Variants in JADE3 observed in about 807,000 individuals in gnomAD.
The protein encoded by JADE3 is jade family PHD finger 3.
A neutral mutation model predicts 50.1 loss-of-function variants in JADE3; 2 were observed. The ratio of observed to expected loss-of-function variants is 0.04; its 90% CI spans 0.02 to 0.13. The LOEUF is 0.13. Ranked by LOEUF, JADE3 falls within the 10% of genes least tolerant of loss-of-function variation. The pLI, the probability that JADE3 is intolerant of heterozygous loss-of-function variation, is 1.00. For synonymous variants in JADE3, 218 were observed against 232.9 expected (o/e 0.94, Z 0.58); for missense variants, 475 against 634.4 (o/e 0.75, Z 2.70).
intron 5 of JADE3, among the ~76,000 whole-genome samples, chrX:47,026,603 T>C (rs1928914095): frequency 9.0e-6 from 1 of 111,713 alleles, no homozygotes; most frequent in South Asian, 3.8e-4. Flanking sequence ...CTCAAGCTTT[T>C]CTTTAGGGTG....
intron 8 of JADE3, among the ~76,000 whole-genome samples, chrX:47,052,098 A>G (rs782816974): frequency 2.7e-5 from 3 of 111,725 alleles, no homozygotes; most frequent in East Asian, 5.7e-4. Flanking sequence ...AGTCTCAATC[A>G]ATCAGTCAGT....
At chrX:47,030,324 G>A (rs781878805) in intron 6 of JADE3, among the ~76,000 whole-genome samples, 7 of 111,172 alleles carry the variant, frequency 6.3e-5, no homozygotes, top group Non-Finnish European at 1.1e-4. Flanking sequence ...AAACGATTCC[G>A]GTAATGAATA....
At chrX:47,051,944 A>T (rs1165222065) in intron 8 of JADE3, among the ~76,000 whole-genome samples, 1 of 111,437 alleles carries the variant, frequency 9.0e-6, no homozygotes, top group Non-Finnish European at 1.9e-5. Context: ...AAATACAAAA[A>T]TTAGCAGGAC....
At chrX:46,947,789 G>A (rs1305129447) in intron 1 of JADE3, among the ~76,000 whole-genome samples, 1 of 111,730 alleles carries the variant, frequency 9.0e-6, no homozygotes, top group African/African-American at 3.3e-5. Flanking sequence ...TTTGGTCCAT[G>A]TCCTGATAAT....
intron 10 of JADE3, among the ~76,000 whole-genome samples, chrX:47,057,272 G>A (rs980714599): frequency 6.3e-5 from 7 of 111,531 alleles, no homozygotes; most frequent in Admixed American, 1.9e-4. Context: ...TGCCCACTGG[G>A]ATACCTAAGA....
rs1292386936 is a variant in JADE3 at position 47,037,773 on chromosome X, G to A, written c.856-1176G>A. Reference sequence around the variant, plus strand: ...TCCCCTTCAAGCATTTATCCTTTTTGTGTTACAAACAATCCAGTTATGTTC... The same window carrying A: ...TCCCCTTCAAGCATTTATCCTTTTTATGTTACAAACAATCCAGTTATGTTC... On this transcript the variant is annotated intron_variant, in intron 7 of 10. Transcript: ENST00000614628. 2.7e-5 allele frequency among the ~76,000 whole-genome samples: 3 copies of A among 112,318 alleles called. No individual in the cohort carries two copies. In the East Asian group the frequency reaches 8.3e-4, roughly 31 times the overall value.
intron 1 of JADE3, among the ~76,000 whole-genome samples, chrX:46,928,735 C>T (rs1462339092): frequency 3.6e-5 from 4 of 111,160 alleles, no homozygotes; most frequent in Admixed American, 9.6e-5. Flanking sequence ...AGGTGCACAC[C>T]ACCATGCCTA....
chrX:46,968,646 C>T (rs1474472912), intron 1 of JADE3, among the ~76,000 whole-genome samples: 1 of 110,865 alleles, frequency 9.0e-6, no homozygotes, highest in Admixed American at 9.6e-5. Flanking sequence ...AGTGGCTATA[C>T]TAATATCAGA....
intron 1 of JADE3, among the ~76,000 whole-genome samples, chrX:46,921,879 G>T (rs1485933491): frequency 9.3e-6 from 1 of 107,401 alleles, no homozygotes; most frequent in Admixed American, 1.0e-4. Context: ...CTCCACCATT[G>T]CCTGGCTTAC....
intron 4 of JADE3, among the ~76,000 whole-genome samples, chrX:47,018,198 ACT>A (rs1414401027): frequency 9.3e-6 from 1 of 107,246 alleles, no homozygotes; most frequent in African/African-American, 3.4e-5. Context: ...ATCTCCCCTT[ACT>A]CTCCTCACCC....
intron 1 of JADE3, among the ~76,000 whole-genome samples, chrX:46,942,246 T>G (rs1556342440): frequency 8.9e-6 from 1 of 111,994 alleles, no homozygotes; most frequent in African/African-American, 3.2e-5. Context: ...TTTGGTTTTG[T>G]TGCAGTTGCT....
At position 47,058,441 on chromosome X, in the gene JADE3, T is replaced by C; in HGVS notation, c.1836T>C (p.Ser612=). 8.3e-7 allele frequency: 1 copy of C among 1,211,732 alleles called. No homozygotes were observed. The highest frequency in any genetic ancestry group is 1.1e-6 in the Non-Finnish European group (1 of 895,464). Residue 612 remains serine (S), a synonymous_variant, in exon 11 of 11, where the codon TCT becomes TCC. Transcript: ENST00000614628. ...GTTTGCTGGCCAGTCTCAGCCATTC[T>C]AGGAGTGAAGCAAAGGAGTCCAGTC... ...NNRLLASLSH[S]RSEAKESSPA...
chrX:46,964,482 C>T (rs1927328942), intron 1 of JADE3, among the ~76,000 whole-genome samples: 1 of 112,050 alleles, frequency 8.9e-6, no homozygotes, highest in Non-Finnish European at 1.9e-5. Context: ...GTAGTCTCTG[C>T]TAAGCCCAGC....
At chrX:46,936,664 T>A (rs931158469) in intron 1 of JADE3, among the ~76,000 whole-genome samples, 1 of 111,613 alleles carries the variant, frequency 9.0e-6, no homozygotes, top group African/African-American at 3.3e-5. Flanking sequence ...GTATTCAGGT[T>A]ATTTATTTTA....
intron 1 of JADE3, among the ~76,000 whole-genome samples, chrX:46,977,403 C>T (rs931907258): frequency 9.8e-5 from 11 of 111,763 alleles, no homozygotes; most frequent in African/African-American, 3.6e-4. Flanking sequence ...TAAGTATATA[C>T]CTATAAACTA....
intron 1 of JADE3, among the ~76,000 whole-genome samples, chrX:46,918,709 T>G (rs1212065803): frequency 8.9e-6 from 1 of 112,148 alleles, no homozygotes; most frequent in Non-Finnish European, 1.9e-5. Flanking sequence ...TAGGAGGCCC[T>G]AAGCCGGGAT....
chrX:46,966,881 A>AT lies in JADE3; in HGVS notation c.-11-17997dup, dbSNP rs782699171. Among the ~76,000 whole-genome samples the AT allele has an allele frequency of 4.5e-3, 505 of 112,030 alleles. 4 individuals carry two copies. Among genetic ancestry groups the AT allele is most frequent in the Non-Finnish European group, 7.4e-3 (392 of 53,152 alleles). ...GCAGAATTTGGAAGTTAAAAGGCAGATTTTTTCTGTTCATAGAAAATCATC... is the reference window on the plus strand; with the variant it reads ...GCAGAATTTGGAAGTTAAAAGGCAGATTTTTTTCTGTTCATAGAAAATCATC... On this transcript the variant is annotated intron_variant, in intron 1 of 10. Transcript: ENST00000614628.
chrX:46,957,468 C>T (rs1023566851), intron 1 of JADE3, among the ~76,000 whole-genome samples: 2 of 111,852 alleles, frequency 1.8e-5, no homozygotes, highest in Non-Finnish European at 3.8e-5. Context: ...AGTTCCTGTC[C>T]CTTTTGAGGT....
At chrX:47,046,209 C>G (rs1423485913) in intron 8 of JADE3, among the ~76,000 whole-genome samples, 4 of 111,610 alleles carry the variant, frequency 3.6e-5, no homozygotes, top group Non-Finnish European at 7.5e-5. Context: ...GCTACTGATA[C>G]TGCAGAAATT....
Sources: gnomAD v4.1 joint callset for allele counts (sites outside exome capture counted in the v4.1 genomes callset) on GRCh38, gnomAD v4.1.1 for gene constraint, MANE v1.5 for transcripts, NCBI Gene and HGNC (gene_info 2026-07-23, HGNC 2026-07-21) for gene names.